Variants in GRIK1 observed in about 807,000 individuals in gnomAD.
The protein encoded by GRIK1 is glutamate ionotropic receptor kainate type subunit 1.
A neutral mutation model predicts 105.7 loss-of-function variants in GRIK1; 69 were observed. That is an observed-to-expected ratio of 0.65 (90% confidence interval 0.54 to 0.80). The LOEUF (loss-of-function observed/expected upper bound fraction) is 0.80. GRIK1 is among the 30% of genes least tolerant of loss of function. GRIK1 has a pLI of 0.00. For missense variants in GRIK1, 1,109 were observed against 1,167.3 expected, an observed-to-expected ratio of 0.95 and a Z score of 0.73; for synonymous variants, 438 against 431.3, an observed-to-expected ratio of 1.02 and a Z score of -0.19.
chr21:29,561,887 G>A, intron 14 of GRIK1, 38 bp from the exon 15 acceptor site: 1 of 1,265,176 alleles, frequency 7.9e-7, no homozygotes, highest in Non-Finnish European at 1.1e-6. Context: ...GCAGAAGAGG[G>A]CTGGAAAAAT....
intron 1 of GRIK1, among the ~76,000 whole-genome samples, chr21:29,863,497 G>A (rs983698804): frequency 1.3e-5 from 2 of 151,974 alleles, no homozygotes; most frequent in Non-Finnish European, 1.5e-5. Context: ...AACTCTTTTA[G>A]CTATTAATAT....
intron 7 of GRIK1, among the ~76,000 whole-genome samples, chr21:29,639,723 C>T (rs2062471492): frequency 6.6e-6 from 1 of 152,166 alleles, no homozygotes. Flanking sequence ...GTGGCAGAAG[C>T]CACCTCTTCT....
At position 29,620,845 on chromosome 21, in the gene GRIK1, T is replaced by C. The variant is rs539873405; in HGVS notation, c.1099-21908A>G. Among the ~76,000 whole-genome samples the C allele has an allele frequency of 3.1e-3, 450 of 143,500 alleles. 9 individuals carry two copies. Among genetic ancestry groups the C allele is most frequent in the African/African-American group, 0.011 (430 of 38,808 alleles). The allele number at this position is 143,500 out of a possible 152,430, so 94.1% of individuals were successfully genotyped here. ...GTAATAATATATTATAGTCATAAAA[T>C]ATATATCATATGTAGTTATATATAT... On this transcript the variant is annotated intron_variant, in intron 7 of 17. Coordinates refer to ENST00000327783, the MANE Select transcript of GRIK1 (RefSeq NM_001330994.2).
chr21:29,622,934 T>C (rs1265016948), intron 7 of GRIK1, among the ~76,000 whole-genome samples: 1 of 152,174 alleles, frequency 6.6e-6, no homozygotes, highest in Admixed American at 6.5e-5. Flanking sequence ...GTAATAATTA[T>C]AATATCTTCA....
chr21:29,541,951 T>A (rs1007541212), intron 16 of GRIK1, among the ~76,000 whole-genome samples: 1 of 152,072 alleles, frequency 6.6e-6, no homozygotes, highest in African/African-American at 2.4e-5. Flanking sequence ...GATAGAAAAA[T>A]TCATTTACAA....
At chr21:29,779,827 G>A (rs1372853396) in intron 1 of GRIK1, among the ~76,000 whole-genome samples, 3 of 152,164 alleles carry the variant, frequency 2.0e-5, no homozygotes, top group Non-Finnish European at 2.9e-5. Flanking sequence ...ACTTTTGCTG[G>A]AGGTATCTAG....
chr21:29,789,609 A>G (rs879728259), intron 1 of GRIK1, among the ~76,000 whole-genome samples: 3 of 152,196 alleles, frequency 2.0e-5, no homozygotes, highest in Non-Finnish European at 4.4e-5. Flanking sequence ...CGGAGTAAGC[A>G]TTTTCCCTAT....
chr21:29,691,113 C>A (rs2063576508), intron 2 of GRIK1, among the ~76,000 whole-genome samples: 1 of 151,742 alleles, frequency 6.6e-6, no homozygotes, highest in South Asian at 2.1e-4. Flanking sequence ...GAGTTCGAGA[C>A]CTGCCTGGCC....
Position 29,581,490 on chromosome 21 carries a change from A to G in GRIK1, c.1847T>C (p.Val616Ala). Residue 616 changes from valine to alanine, a missense_variant, in exon 13 of 18, where the codon GTG (valine) becomes GCG (alanine). Physicochemically the swap from Val to Ala is moderately conservative, Grantham distance 64. Transcript: ENST00000327783. Reference protein sequence around the residue: ...NPHPCNPDSDVVENNFTLLNS... With the variant: ...NPHPCNPDSDAVENNFTLLNS... ...TAGTAAAGTAAAATTGTTTTCCACC[A>G]CGTCTGAGTCAGGGTTGCATGGGTG... 1 of 1,613,208 alleles carries G rather than the reference A, an allele frequency of 6.2e-7. No homozygotes were observed. The highest frequency in any genetic ancestry group is 8.5e-7 in the Non-Finnish European group (1 of 1,179,352).
chr21:29,590,158 A>C (rs1320699576), intron 10 of GRIK1, among the ~76,000 whole-genome samples: 1 of 152,218 alleles, frequency 6.6e-6, no homozygotes, highest in African/African-American at 2.4e-5. Flanking sequence ...GTTTATCCTC[A>C]AACTGATAAT....
chr21:29,855,329 A>T (rs2068431372), intron 1 of GRIK1, among the ~76,000 whole-genome samples: 1 of 152,222 alleles, frequency 6.6e-6, no homozygotes, highest in South Asian at 2.1e-4. Context: ...AAAATACAGG[A>T]AGTACTACAC....
At chr21:29,693,217 T>C (rs903928209) in intron 2 of GRIK1, among the ~76,000 whole-genome samples, 1 of 152,226 alleles carries the variant, frequency 6.6e-6, no homozygotes, top group African/African-American at 2.4e-5. Context: ...CTATGTGATC[T>C]TACTTCAAAG....
intron 4 of GRIK1, 135 bp from the exon 5 acceptor site, chr21:29,654,998 G>T: frequency 1.5e-6 from 1 of 678,746 alleles, no homozygotes; most frequent in Non-Finnish European, 2.6e-6. Flanking sequence ...CAGCAGATCA[G>T]AAACCTGAGG....
intron 1 of GRIK1, among the ~76,000 whole-genome samples, chr21:29,924,100 G>A (rs1441721227): frequency 6.6e-6 from 1 of 152,106 alleles, no homozygotes; most frequent in East Asian, 1.9e-4. Context: ...AGCACTTTGG[G>A]AGGCCGAGAT....
At position 29,587,964 on chromosome 21, in the gene GRIK1, CTTTTTTTTTTT is replaced by C. The variant is rs568648777; in HGVS notation, c.1570-386_1570-376del. On this transcript the variant is annotated intron_variant, in intron 11 of 17. Coordinates refer to ENST00000327783, the MANE Select transcript of GRIK1 (RefSeq NM_001330994.2). ...GCTCTGAGCTGAAAACTTTAAAATT[CTTTTTTTTTTT>C]TTTTTTTTTTTTTTTGTGAGGCGGA... Among the ~76,000 whole-genome samples the C allele has an allele frequency of 0.01, 673 of 65,416 alleles. 10 individuals carry two copies. The Middle Eastern group carries it at 0.17, about 17-fold the overall frequency. 42.9% of individuals were successfully genotyped at this position (65,416 alleles called of 152,430 possible). A position where few individuals can be genotyped will look rare whatever the true frequency, so the allele number is the denominator to read the frequency against.
At chr21:29,770,141 A>T (rs2065778364) in intron 1 of GRIK1, among the ~76,000 whole-genome samples, 1 of 152,078 alleles carries the variant, frequency 6.6e-6, no homozygotes, top group African/African-American at 2.4e-5. Flanking sequence ...TGATACAAAC[A>T]CTGCTTTGTG....
intron 1 of GRIK1, among the ~76,000 whole-genome samples, chr21:29,937,001 C>A (rs1001615636): frequency 6.6e-6 from 1 of 152,076 alleles, no homozygotes; most frequent in African/African-American, 2.4e-5. Flanking sequence ...GTTGATCGGT[C>A]GGTTGCTTGG....
chr21:29,843,609 C>A (rs1030221458), intron 1 of GRIK1, among the ~76,000 whole-genome samples: 5 of 151,996 alleles, frequency 3.3e-5, no homozygotes, highest in Non-Finnish European at 5.9e-5. Flanking sequence ...TAAAGGATTT[C>A]TTATTTTAGA....
At position 29,899,846 on chromosome 21, in the gene GRIK1, G is replaced by T. The variant is rs141041124; in HGVS notation, c.118+39537C>A. 2.9e-3 allele frequency among the ~76,000 whole-genome samples: 439 copies of T among 152,190 alleles called. 1 individual carries two copies. The highest frequency in any genetic ancestry group is 5.4e-3 in the Admixed American group (82 of 15,276). ...GAAATCGTCAGGTCATGCTGAGGAA[G>T]AATTACCTTCCCAAATGTCTCAGAC... On this transcript the variant is annotated intron_variant, in intron 1 of 17. Coordinates refer to ENST00000327783, the MANE Select transcript of GRIK1 (RefSeq NM_001330994.2).
Sources: gnomAD v4.1 joint callset for allele counts (sites outside exome capture counted in the v4.1 genomes callset) on GRCh38, gnomAD v4.1.1 for gene constraint, MANE v1.5 for transcripts, NCBI Gene and HGNC (gene_info 2026-07-23, HGNC 2026-07-21) for gene names.